Variants in GLIS3 observed in about 807,000 individuals in gnomAD.
GLIS3 encodes zinc finger protein GLIS3.
In GLIS3, 53 loss-of-function variants were observed where a neutral mutation model predicts 78.6. The observed-to-expected ratio is 0.67, with a 90% confidence interval of 0.54 to 0.85. GLIS3 has a LOEUF of 0.85. Ranked by LOEUF, GLIS3 falls within the 40% of genes least tolerant of loss-of-function variation. The pLI, the probability that GLIS3 is intolerant of heterozygous loss-of-function variation, is 0.00. For missense variants in GLIS3, 1,703 were observed against 1,231.1 expected, an observed-to-expected ratio of 1.38 and a Z score of -5.74; for synonymous variants, 684 against 509.9, an observed-to-expected ratio of 1.34 and a Z score of -4.60.
At chr9:4,449,501 T>C in the GLIS3 span, among the ~76,000 whole-genome samples, 2,387 of 152,286 alleles carry the variant, frequency 0.016, 51 homozygotes, top group African/African-American at 0.046. Flanking sequence ...GCTCTGAGAA[T>C]GGACAGACTG....
At chr9:3,927,492 A>G (rs1181932990) in intron 6 of GLIS3, among the ~76,000 whole-genome samples, 1 of 152,222 alleles carries the variant, frequency 6.6e-6, no homozygotes, top group Non-Finnish European at 1.5e-5. Flanking sequence ...AATATCTAAT[A>G]ACATTCTGTG....
At chr9:4,344,041 C>T (rs1019930211) in intron 2 of GLIS3, among the ~76,000 whole-genome samples, 5 of 152,116 alleles carry the variant, frequency 3.3e-5, no homozygotes, top group African/African-American at 1.2e-4. Flanking sequence ...ATATAACAAA[C>T]CTGCACATGT....
rs1409479751 is a variant in GLIS3 at position 3,879,576 on chromosome 9, A to C, written c.2148T>G (p.Asn716Lys). Residue 716 changes from asparagine to lysine, a missense_variant, in exon 8 of 11, where the codon AAT (asparagine) becomes AAG (lysine). Asn to Lys is a moderately conservative substitution (Grantham distance 94, BLOSUM62 0). Transcript: ENST00000381971. ...DLYSAPIFSS[N>K]YSSRSGTAAG... ...CAGCTGTTCCACTTCGGCTTGAATA[A>C]TTGCTGGAGAAAATGGGAGCTGAAA... 5.0e-6 allele frequency: 8 copies of C among 1,613,948 alleles called. No individual in the cohort carries two copies. The highest frequency in any genetic ancestry group is 6.8e-6 in the Non-Finnish European group (8 of 1,180,006).
the GLIS3 span, among the ~76,000 whole-genome samples, chr9:4,418,782 G>A: frequency 6.6e-6 from 1 of 152,172 alleles, no homozygotes; most frequent in African/African-American, 2.4e-5. Context: ...AAAAACAGTA[G>A]TATTTGAGTT....
chr9:4,035,398 G>T (rs1007489205), intron 4 of GLIS3, among the ~76,000 whole-genome samples: 1 of 151,448 alleles, frequency 6.6e-6, no homozygotes, highest in African/African-American at 2.4e-5. Context: ...CTGCATGTTT[G>T]ACAACCCCAG....
chr9:3,963,753 G>A (rs756951867), intron 4 of GLIS3, among the ~76,000 whole-genome samples: 7 of 151,934 alleles, frequency 4.6e-5, no homozygotes, highest in Non-Finnish European at 1.0e-4. Context: ...TAATCTTATC[G>A]TGAGGCTGAA....
chr9:4,011,373 G>A (rs977918354), intron 4 of GLIS3, among the ~76,000 whole-genome samples: 4 of 152,204 alleles, frequency 2.6e-5, no homozygotes, highest in African/African-American at 9.6e-5. Flanking sequence ...GAAAACAGAA[G>A]CAAATGACCA....
At chr9:4,403,614 G>A in the GLIS3 span, among the ~76,000 whole-genome samples, 1 of 152,066 alleles carries the variant, frequency 6.6e-6, no homozygotes, top group Non-Finnish European at 1.5e-5. Flanking sequence ...CTTTTTGCAT[G>A]TTTATTTGTT....
At chr9:4,368,858 G>A in the GLIS3 span, among the ~76,000 whole-genome samples, 1 of 152,138 alleles carries the variant, frequency 6.6e-6, no homozygotes, top group African/African-American at 2.4e-5. Context: ...AGAACTTGCT[G>A]GTTTATACTT....
chr9:3,849,292 G>A (rs901586925), intron 9 of GLIS3, among the ~76,000 whole-genome samples: 2 of 152,220 alleles, frequency 1.3e-5, no homozygotes, highest in Admixed American at 6.5e-5. Flanking sequence ...ATCCTAGAGT[G>A]TTTGGCAGCC....
chr9:3,844,623 C>T (rs1397752581), intron 9 of GLIS3, among the ~76,000 whole-genome samples: 1 of 152,120 alleles, frequency 6.6e-6, no homozygotes, highest in Admixed American at 6.6e-5. Context: ...AGGGATTTTT[C>T]TGGATATTTC....
rs867126009 is a variant in GLIS3 at position 4,322,125 on chromosome 9, G to A, written n.265-11597C>T. Among the ~76,000 whole-genome samples, 19 of 152,070 alleles carry A rather than the reference G, an allele frequency of 1.2e-4. 1 individual carries two copies. The highest frequency in any genetic ancestry group is 1.2e-3 in the East Asian group (6 of 5,188). On this transcript the variant is annotated intron_variant and non_coding_transcript_variant, in intron 2 of 4. Transcript: ENST00000471664. ...TTCCCACCTATGAGTGAGAACATGCGGTGTTTGGTTTTCCATCCTTGTGAT... is the reference window on the plus strand; with the variant it reads ...TTCCCACCTATGAGTGAGAACATGCAGTGTTTGGTTTTCCATCCTTGTGAT...
chr9:4,335,127 C>G (rs1036714162), intron 2 of GLIS3, among the ~76,000 whole-genome samples: 4 of 152,066 alleles, frequency 2.6e-5, no homozygotes, highest in African/African-American at 9.7e-5. Context: ...CCAGGATGGT[C>G]TTGATCTCCT....
intron 2 of GLIS3, among the ~76,000 whole-genome samples, chr9:4,340,222 A>T (rs923183751): frequency 6.0e-5 from 9 of 150,896 alleles, no homozygotes; most frequent in African/African-American, 2.0e-4. Flanking sequence ...GTTAGTATGT[A>T]TTTTTTAAAT....
intron 2 of GLIS3, among the ~76,000 whole-genome samples, chr9:4,141,134 C>A (rs1189985449): frequency 6.6e-6 from 1 of 152,106 alleles, no homozygotes; most frequent in Non-Finnish European, 1.5e-5. Context: ...GTGTAGAAAT[C>A]TAAATTCACT....
the GLIS3 span, among the ~76,000 whole-genome samples, chr9:4,385,558 G>C: frequency 6.6e-6 from 1 of 151,414 alleles, no homozygotes; most frequent in Non-Finnish European, 1.5e-5. Flanking sequence ...CCAGCTACTC[G>C]GGAGGCCGAG....
chr9:4,177,480 A>G (rs1187963309), intron 2 of GLIS3, among the ~76,000 whole-genome samples: 1 of 152,216 alleles, frequency 6.6e-6, no homozygotes. Flanking sequence ...AAACAGATAC[A>G]GGTGAAGGTG....
chr9:3,944,024 G>T (rs539880355), intron 4 of GLIS3, among the ~76,000 whole-genome samples: 1 of 152,108 alleles, frequency 6.6e-6, no homozygotes, highest in Non-Finnish European at 1.5e-5. Context: ...GAAGAAATCT[G>T]TATAAAACAA....
intron 2 of GLIS3, among the ~76,000 whole-genome samples, chr9:4,240,430 C>A (rs780197204): frequency 6.6e-6 from 1 of 152,066 alleles, no homozygotes; most frequent in East Asian, 1.9e-4. Context: ...TAACAGGCTA[C>A]GGACCAGCAG....
Sources: gnomAD v4.1 joint callset for allele counts (sites outside exome capture counted in the v4.1 genomes callset) on GRCh38, gnomAD v4.1.1 for gene constraint, MANE v1.5 for transcripts, NCBI Gene and HGNC (gene_info 2026-07-23, HGNC 2026-07-21) for gene names.